Variants in BCKDHB observed in about 807,000 individuals in gnomAD.
The protein encoded by BCKDHB is 2-oxoisovalerate dehydrogenase subunit beta, mitochondrial.
Under a neutral mutation model 48.5 loss-of-function variants are expected in BCKDHB, and 41 were observed. The observed-to-expected ratio is 0.85, with a 90% CI of 0.66 to 1.10. The LOEUF is 1.10. BCKDHB is among the 50% of genes least tolerant of loss of function. The pLI is 0.00. For missense variants in BCKDHB, 496 were observed against 494.2 expected, an observed-to-expected ratio of 1.00 and a Z score of -0.03; for synonymous variants, 201 against 174.8, an observed-to-expected ratio of 1.15 and a Z score of -1.18.
At chr6:80,173,767 G>A (rs1218848353) in intron 6 of BCKDHB, among the ~76,000 whole-genome samples, 2 of 148,698 alleles carry the variant, frequency 1.3e-5, no homozygotes, top group Non-Finnish European at 3.0e-5. Flanking sequence ...CTCTGGTTCA[G>A]TATCACTATG....
rs375081244 is a variant in BCKDHB, at chr6:80,195,992, C to T, written c.743-4942C>T. On this transcript the variant is annotated intron_variant, in intron 6 of 9. Coordinates refer to ENST00000320393, the MANE Select transcript of BCKDHB (RefSeq NM_183050.4). ...AATGCAATATGAATAAAGCCCTATC[C>T]GAGTTTCATGTTTGTGGGGAAACTA... Among the ~76,000 whole-genome samples the T allele has an allele frequency of 1.1e-4, 16 of 152,178 alleles. No homozygotes were observed. In the South Asian group the frequency reaches 2.7e-3, roughly 26 times the overall value.
At chr6:80,214,755 A>G (rs1252300202) in intron 8 of BCKDHB, among the ~76,000 whole-genome samples, 2 of 152,212 alleles carry the variant, frequency 1.3e-5, no homozygotes, top group Non-Finnish European at 2.9e-5. Flanking sequence ...GCATTATTAT[A>G]ATGTAACCTA....
intron 9 of BCKDHB, among the ~76,000 whole-genome samples, chr6:80,340,509 T>C (rs551984652): frequency 3.7e-4 from 57 of 152,328 alleles, no homozygotes; most frequent in African/African-American, 1.3e-3. Flanking sequence ...CTAGCCCATA[T>C]TCTGCATAAT....
the BCKDHB span, among the ~76,000 whole-genome samples, chr6:80,447,452 T>C: frequency 1.9e-3 from 41 of 21,164 alleles, no homozygotes; most frequent in Admixed American, 0.01. Context: ...TATACAGTTA[T>C]ATATATATAT....
chr6:80,350,848 C>T (rs1770373189), downstream of BCKDHB, among the ~76,000 whole-genome samples: 1 of 151,976 alleles, frequency 6.6e-6, no homozygotes, highest in Non-Finnish European at 1.5e-5. Flanking sequence ...TTTATTTTTG[C>T]CTTCCATCCT....
chr6:80,330,501 TTGTAAATCTG>T (rs1408429337), intron 9 of BCKDHB, among the ~76,000 whole-genome samples: 6 of 152,330 alleles, frequency 3.9e-5, no homozygotes, highest in Admixed American at 3.9e-4. Context: ...CCATTTGGGC[TTGTAAATCTG>T]TGTATGTGAT....
chr6:80,213,658 G>GTTTT (rs1321258948), intron 8 of BCKDHB, among the ~76,000 whole-genome samples: 1 of 132,748 alleles, frequency 7.5e-6, no homozygotes, highest in African/African-American at 3.4e-5. Context: ...CTTGGGAAGT[G>GTTTT]TTTTTTTTTG....
intron 2 of BCKDHB, among the ~76,000 whole-genome samples, chr6:80,128,539 T>G (rs1478943782): frequency 6.6e-6 from 1 of 152,190 alleles, no homozygotes; most frequent in African/African-American, 2.4e-5. Flanking sequence ...TCCTTCGTGC[T>G]TGCCTCCTTT....
chr6:80,393,453 C>T, the BCKDHB span, among the ~76,000 whole-genome samples: 1 of 152,078 alleles, frequency 6.6e-6, no homozygotes, highest in South Asian at 2.1e-4. Context: ...GCATGTGTGC[C>T]CTTTCCACAT....
intron 9 of BCKDHB, among the ~76,000 whole-genome samples, chr6:80,291,888 G>A (rs1389700845): frequency 6.6e-6 from 1 of 152,154 alleles, no homozygotes; most frequent in African/African-American, 2.4e-5. Context: ...TTTGTATAAA[G>A]TGCAGCAAGA....
chr6:80,424,027 A>C, the BCKDHB span, among the ~76,000 whole-genome samples: 1 of 152,180 alleles, frequency 6.6e-6, no homozygotes, highest in Admixed American at 6.5e-5. Context: ...AGAGGCATGA[A>C]ACATCTATCT....
intron 9 of BCKDHB, among the ~76,000 whole-genome samples, chr6:80,303,650 CGTGTGTGTGT>C (rs372735913): frequency 3.3e-5 from 5 of 150,548 alleles, no homozygotes; most frequent in African/African-American, 1.2e-4. Flanking sequence ...AAAATCCATG[CGTGTGTGTGT>C]GTGTGTGATC....
At chr6:80,138,639 C>G (rs1768095028) in intron 3 of BCKDHB, among the ~76,000 whole-genome samples, 1 of 152,146 alleles carries the variant, frequency 6.6e-6, no homozygotes, top group Middle Eastern at 3.2e-3. Context: ...TTTTTTATGG[C>G]TGCATAGTAT....
chr6:80,150,170 C>G (rs1247106278), intron 3 of BCKDHB, among the ~76,000 whole-genome samples: 2 of 152,072 alleles, frequency 1.3e-5, no homozygotes, highest in African/African-American at 4.8e-5. Context: ...CACTTCAAAT[C>G]CAACCTCTAT....
the BCKDHB span, among the ~76,000 whole-genome samples, chr6:80,371,101 C>T: frequency 6.6e-6 from 1 of 152,230 alleles, no homozygotes; most frequent in East Asian, 1.9e-4. Flanking sequence ...TTTACATTCC[C>T]ACCAACAATG....
intron 8 of BCKDHB, among the ~76,000 whole-genome samples, chr6:80,218,418 T>C (rs1050556441): frequency 1.3e-5 from 2 of 152,176 alleles, no homozygotes; most frequent in Admixed American, 6.5e-5. Flanking sequence ...CATGCACTCA[T>C]GCACACACAT....
chr6:80,383,090 C>G, the BCKDHB span, among the ~76,000 whole-genome samples: 36 of 152,244 alleles, frequency 2.4e-4, no homozygotes, highest in East Asian at 6.4e-3. Flanking sequence ...GAAGGAAAAG[C>G]TCCTATTTTG....
chr6:80,132,814 A>G (rs1770696105), intron 3 of BCKDHB, among the ~76,000 whole-genome samples: 1 of 152,196 alleles, frequency 6.6e-6, no homozygotes, highest in African/African-American at 2.4e-5. Flanking sequence ...TTCAGAAGTG[A>G]AGAATAAAGG....
the BCKDHB span, chr6:80,374,703 C>T: frequency 6.1e-4 from 204 of 336,124 alleles, no homozygotes; most frequent in Non-Finnish European, 9.9e-4. Context: ...ATTTGTCACC[C>T]GAATATCTAG....
Sources: gnomAD v4.1 joint callset for allele counts (sites outside exome capture counted in the v4.1 genomes callset) on GRCh38, gnomAD v4.1.1 for gene constraint, MANE v1.5 for transcripts, NCBI Gene and HGNC (gene_info 2026-07-23, HGNC 2026-07-21) for gene names.